The following MACROD2 variants were observed in gnomAD, a reference collection of about 807,000 sequenced individuals.
MACROD2 encodes ADP-ribose glycohydrolase MACROD2.
MACROD2 carries 36 observed loss-of-function variants against 70.4 expected under a neutral mutation model. The ratio of observed to expected loss-of-function variants is 0.51; its 90% CI spans 0.39 to 0.68. The LOEUF is 0.68. Ranked by LOEUF, MACROD2 falls within the 30% of genes least tolerant of loss-of-function variation. The probability of loss-of-function intolerance (pLI) is 0.00; values close to 1 mark genes in which losing one functional copy is unlikely to be tolerated. For synonymous variants in MACROD2, 172 were observed against 178.8 expected, an observed-to-expected ratio of 0.96 and a Z score of 0.30; for missense variants, 496 against 538.4, an observed-to-expected ratio of 0.92 and a Z score of 0.78.
At chr20:15,638,247 T>C (rs1033828644) in intron 8 of MACROD2, among the ~76,000 whole-genome samples, 2 of 152,158 alleles carry the variant, frequency 1.3e-5, no homozygotes, top group African/African-American at 4.8e-5. Flanking sequence ...CTTTGCCCTC[T>C]CACCAGACCC....
At chr20:14,615,547 G>C (rs965123210) in intron 4 of MACROD2, among the ~76,000 whole-genome samples, 5 of 152,110 alleles carry the variant, frequency 3.3e-5, no homozygotes, top group Non-Finnish European at 7.4e-5. Flanking sequence ...GAGGTGCAAG[G>C]TGTTCCTGGT....
intron 4 of MACROD2, among the ~76,000 whole-genome samples, chr20:14,665,910 T>G (rs1180410489): frequency 6.6e-6 from 1 of 152,144 alleles, no homozygotes; most frequent in Non-Finnish European, 1.5e-5. Flanking sequence ...TGCCTCCTAG[T>G]AATAAACTGC....
At chr20:15,203,532 G>T (rs373037481) in intron 5 of MACROD2, among the ~76,000 whole-genome samples, 2 of 151,954 alleles carry the variant, frequency 1.3e-5, no homozygotes, top group East Asian at 3.9e-4. Flanking sequence ...TTGTAAATTG[G>T]CACTTTACAT....
intron 5 of MACROD2, among the ~76,000 whole-genome samples, chr20:14,839,521 C>T (rs1190453741): frequency 1.3e-5 from 2 of 152,036 alleles, no homozygotes; most frequent in Non-Finnish European, 2.9e-5. Flanking sequence ...CTTGAGGTTT[C>T]CCATTTCCCA....
At chr20:15,956,412 C>A (rs2065977615) in intron 12 of MACROD2, among the ~76,000 whole-genome samples, 1 of 152,178 alleles carries the variant, frequency 6.6e-6, no homozygotes, top group Admixed American at 6.5e-5. Flanking sequence ...TCTCTTATAT[C>A]TTCACATATT....
intron 11 of MACROD2, among the ~76,000 whole-genome samples, chr20:15,936,353 C>T (rs186108431): frequency 4.5e-4 from 65 of 144,570 alleles, no homozygotes; most frequent in Middle Eastern, 7.4e-3. Context: ...TAACTATGTA[C>T]GTAACTATAT....
chr20:15,908,710 C>A (rs1051371469), intron 10 of MACROD2, among the ~76,000 whole-genome samples: 2 of 152,236 alleles, frequency 1.3e-5, no homozygotes, highest in East Asian at 3.9e-4. Flanking sequence ...TGCACCTTTG[C>A]GGTGGTGGTT....
At chr20:14,436,608 T>C (rs2084059111) in intron 3 of MACROD2, among the ~76,000 whole-genome samples, 1 of 152,178 alleles carries the variant, frequency 6.6e-6, no homozygotes, top group Non-Finnish European at 1.5e-5. Context: ...TTTCAGTTTT[T>C]GTTTTCCCAG....
chr20:14,550,100 T>G (rs1244941880), intron 4 of MACROD2, among the ~76,000 whole-genome samples: 1 of 151,994 alleles, frequency 6.6e-6, no homozygotes, highest in Non-Finnish European at 1.5e-5. Flanking sequence ...TTTTTGTATT[T>G]TTAGTATAGA....
chr20:15,319,614 A>T (rs963641466), intron 6 of MACROD2, among the ~76,000 whole-genome samples: 1 of 152,216 alleles, frequency 6.6e-6, no homozygotes, highest in African/African-American at 2.4e-5. Flanking sequence ...ATAGAATTAC[A>T]TCATCCCCTA....
intron 5 of MACROD2, among the ~76,000 whole-genome samples, chr20:14,883,305 A>G (rs2073631980): frequency 6.6e-6 from 1 of 152,178 alleles, no homozygotes; most frequent in Non-Finnish European, 1.5e-5. Flanking sequence ...CACATGCATA[A>G]TTTGAACATT....
intron 5 of MACROD2, among the ~76,000 whole-genome samples, chr20:14,927,691 G>T (rs571058901): frequency 1.3e-5 from 2 of 152,256 alleles, no homozygotes; most frequent in East Asian, 3.9e-4. Context: ...AAGCTAGAAG[G>T]GTGTTGGAAT....
At chr20:15,259,182 T>TAACAACAGC (rs2077226393) in intron 6 of MACROD2, among the ~76,000 whole-genome samples, 1 of 151,280 alleles carries the variant, frequency 6.6e-6, no homozygotes, top group African/African-American at 2.4e-5. Flanking sequence ...GGTAATTTTT[T>TAACAACAGC]AACAACAACA....
intron 3 of MACROD2, among the ~76,000 whole-genome samples, chr20:14,480,687 T>A (rs6079460): frequency 0.13 from 19,821 of 152,130 alleles, 1,505 homozygotes; most frequent in East Asian, 0.31. Flanking sequence ...GCTGGCCTGA[T>A]GGAACTGTAA....
chr20:14,190,504 TTCTCTTCAAATTTG>T (rs1202524362), intron 3 of MACROD2, among the ~76,000 whole-genome samples: 1 of 151,204 alleles, frequency 6.6e-6, no homozygotes, highest in African/African-American at 2.4e-5. Context: ...ACTCCTCATT[TTCTCTTCAAATTTG>T]TCTCCTTTTG....
At chr20:14,796,135 T>C (rs1027445582) in intron 5 of MACROD2, among the ~76,000 whole-genome samples, 3 of 152,138 alleles carry the variant, frequency 2.0e-5, no homozygotes, top group African/African-American at 7.2e-5. Context: ...GAGGAAGAAC[T>C]GTCTGCTGAC....
At chr20:15,188,631 G>A (rs981290510) in intron 5 of MACROD2, among the ~76,000 whole-genome samples, 9 of 152,148 alleles carry the variant, frequency 5.9e-5, no homozygotes, top group South Asian at 2.1e-4. Flanking sequence ...AGTGCATTGC[G>A]AAACATTTAT....
intron 3 of MACROD2, among the ~76,000 whole-genome samples, chr20:14,408,214 T>C (rs944440356): frequency 2.0e-5 from 3 of 152,230 alleles, no homozygotes; most frequent in Non-Finnish European, 4.4e-5. Context: ...ATGCTTATTA[T>C]GCTGTTTTGT....
chr20:15,137,718 A>T (rs574057283), intron 5 of MACROD2, among the ~76,000 whole-genome samples: 23 of 152,218 alleles, frequency 1.5e-4, no homozygotes, highest in East Asian at 3.9e-4. Flanking sequence ...ATAATAATAA[A>T]AAAAAATAAT....
Sources: allele counts gnomAD v4.1 joint callset (sites outside exome capture counted in the v4.1 genomes callset), GRCh38; gene constraint gnomAD v4.1.1; transcripts MANE v1.5; gene names NCBI Gene and HGNC (gene_info 2026-07-23, HGNC 2026-07-21).